CNKSR2: variants seen among roughly 807,000 people sequenced by gnomAD.
CNKSR2 encodes connector enhancer of kinase suppressor of Ras 2, also known as CNK homolog protein 2.
A neutral mutation model predicts 84.4 loss-of-function variants in CNKSR2; 14 were observed. The ratio of observed to expected loss-of-function variants is 0.17; its 90% CI spans 0.11 to 0.26. The LOEUF (loss-of-function observed/expected upper bound fraction) is 0.26. Among genes scored for constraint, CNKSR2 ranks in the 10% least tolerant of loss-of-function variants. CNKSR2 has a pLI of 1.00. For missense variants in CNKSR2, 485 were observed against 771.2 expected (o/e 0.63, Z 4.40); for synonymous variants, 275 against 277.9 (o/e 0.99, Z 0.10).
At chrX:21,597,497 T>A (rs190054975) in intron 17 of CNKSR2, among the ~76,000 whole-genome samples, 1 of 112,332 alleles carries the variant, frequency 8.9e-6, no homozygotes. Context: ...TACTGAATTT[T>A]ATTTTAATTT....
chrX:21,383,342 A>G (rs1342453378), intron 1 of CNKSR2, among the ~76,000 whole-genome samples: 6 of 112,894 alleles, frequency 5.3e-5, no homozygotes, highest in African/African-American at 1.9e-4. Context: ...CTATTTGCAT[A>G]AATGCATTGA....
At chrX:21,465,748 G>T (rs1601824594) in intron 4 of CNKSR2, among the ~76,000 whole-genome samples, 1 of 111,030 alleles carries the variant, frequency 9.0e-6, no homozygotes, top group Non-Finnish European at 1.9e-5. Flanking sequence ...CTGTTCTTAT[G>T]ATTATAATAT....
In CNKSR2 at chrX:21,648,830, G is replaced by A; in HGVS notation, c.2693-1G>A. ...TTTTTTTTTTTTTTTGGATGTTGCA[G>A]GTGAAAGCAGAGAAGAAAAGTTAGG... On this transcript the variant is annotated splice_acceptor_variant, in intron 20 of 21. Coordinates refer to ENST00000379510, the MANE Select transcript of CNKSR2 (RefSeq NM_014927.5). LOFTEE classifies it high-confidence loss of function. 1.2e-6 allele frequency: 1 copy of A among 866,723 alleles called. No individual in the cohort carries two copies. The highest frequency in any genetic ancestry group is 1.5e-6 in the Non-Finnish European group (1 of 660,104). 71.4% of individuals were successfully genotyped at this position (866,723 alleles called of 1,213,427 possible).
chrX:21,482,742 A>G (rs1403158120), intron 5 of CNKSR2, among the ~76,000 whole-genome samples: 2 of 111,875 alleles, frequency 1.8e-5, no homozygotes, highest in Non-Finnish European at 3.8e-5. Flanking sequence ...GTCCCAGGCT[A>G]TGAAATTCTT....
At chrX:21,511,803 C>T (rs1015254010) in intron 8 of CNKSR2, among the ~76,000 whole-genome samples, 1 of 111,500 alleles carries the variant, frequency 9.0e-6, no homozygotes, top group Admixed American at 9.6e-5. Context: ...CTGTCATCTA[C>T]GTGTACTGAA....
chrX:21,390,383 C>T (rs777000453), intron 1 of CNKSR2, among the ~76,000 whole-genome samples: 8 of 111,058 alleles, frequency 7.2e-5, no homozygotes, highest in Admixed American at 1.9e-4. Context: ...CTCACAGTTC[C>T]ACAGGCTGTA....
At chrX:21,604,037 G>T (rs917089292) in intron 18 of CNKSR2, among the ~76,000 whole-genome samples, 3 of 111,080 alleles carry the variant, frequency 2.7e-5, no homozygotes, top group Non-Finnish European at 5.7e-5. Context: ...TTTGCCATTA[G>T]AATAAAAATC....
At chrX:21,411,037 T>C (rs942072061) in intron 1 of CNKSR2, among the ~76,000 whole-genome samples, 2 of 109,959 alleles carry the variant, frequency 1.8e-5, no homozygotes, top group South Asian at 7.5e-4. Flanking sequence ...ACTAAACTTT[T>C]CTTTTGTGGA....
rs773692431 is a variant in CNKSR2 at position 21,652,346 on chromosome X, A to G, written c.2930A>G (p.Asp977Gly). The G allele has an allele frequency of 8.3e-7, 1 of 1,211,363 alleles. No individual in the cohort carries two copies. Among genetic ancestry groups the G allele is most frequent in the Admixed American group, 2.2e-5 (1 of 46,125 alleles). ...GTAGCCATTATCGATAAAGTCCTAG[A>G]CAATCCAGACTTGACATCTAAAGAA... ...GEVAIIDKVL[D>G]NPDLTSKEFQ... The change falls in exon 22 of 22, where the codon GAC becomes GGC. Residue 977 changes from aspartate to glycine, a missense_variant. Physicochemically the swap from Asp to Gly is moderately conservative, Grantham distance 94. Coordinates refer to ENST00000379510, the MANE Select transcript of CNKSR2 (RefSeq NM_014927.5).
At chrX:21,573,986 AT>A (rs1420443569) in intron 13 of CNKSR2, among the ~76,000 whole-genome samples, 2 of 110,930 alleles carry the variant, frequency 1.8e-5, no homozygotes, top group Admixed American at 9.6e-5. Context: ...GCTCTGAGAA[AT>A]TTTTTTCACC....
At chrX:21,585,817 A>G (rs1446118078) in intron 13 of CNKSR2, among the ~76,000 whole-genome samples, 2 of 111,623 alleles carry the variant, frequency 1.8e-5, no homozygotes, top group Non-Finnish European at 3.8e-5. Flanking sequence ...AGAAAGTGCT[A>G]GTGAAGGCAT....
intron 13 of CNKSR2, among the ~76,000 whole-genome samples, chrX:21,567,641 C>T (rs1191001973): frequency 9.0e-6 from 1 of 111,562 alleles, no homozygotes; most frequent in Admixed American, 9.5e-5. Flanking sequence ...TCCAATATGC[C>T]CATCAGCCAA....
At chrX:21,536,593 A>G (rs2091930031) in intron 11 of CNKSR2, among the ~76,000 whole-genome samples, 1 of 110,259 alleles carries the variant, frequency 9.1e-6, no homozygotes, top group African/African-American at 3.3e-5. Flanking sequence ...CCTTGATTCA[A>G]TCTTGATACA....
In CNKSR2 at chrX:21,473,932, G is replaced by A. The variant is rs2091231742; in HGVS notation, c.561+3125G>A. On this transcript the variant is annotated intron_variant, in intron 5 of 21. Coordinates refer to ENST00000379510, the MANE Select transcript of CNKSR2 (RefSeq NM_014927.5). ...CGGCTAATTTTTTTTGTATTTTTTA[G>A]TAGAGACGGGGTTTCACCGTGTTAG... 3.7e-5 allele frequency among the ~76,000 whole-genome samples: 4 copies of A among 107,139 alleles called. No homozygotes were observed. In the Admixed American group the frequency reaches 4.0e-4, roughly 11 times the overall value. 93.0% of individuals were successfully genotyped at this position (107,139 alleles called of 115,157 possible). A position where few individuals can be genotyped will look rare whatever the true frequency, so the allele number is the denominator to read the frequency against.
At chrX:21,630,698 T>TAC (rs201802047) in intron 20 of CNKSR2, among the ~76,000 whole-genome samples, 6,886 of 106,787 alleles carry the variant, frequency 0.064, 538 homozygotes, top group African/African-American at 0.22. Context: ...ATGTATATAA[T>TAC]ACACACACAC....
intron 4 of CNKSR2, among the ~76,000 whole-genome samples, chrX:21,445,049 G>C (rs758300887): frequency 9.0e-6 from 1 of 111,158 alleles, no homozygotes; most frequent in African/African-American, 3.3e-5. Flanking sequence ...TGAAAAGCCT[G>C]TCCAGAATGG....
intron 8 of CNKSR2, among the ~76,000 whole-genome samples, chrX:21,514,062 T>C (rs944967352): frequency 2.7e-5 from 3 of 111,895 alleles, no homozygotes; most frequent in African/African-American, 9.7e-5. Context: ...TTTCTATATT[T>C]ATGTACATTC....
chrX:21,473,292 C>T (rs907312238), intron 5 of CNKSR2, among the ~76,000 whole-genome samples: 1 of 111,875 alleles, frequency 8.9e-6, no homozygotes, highest in African/African-American at 3.2e-5. Context: ...CCCATCCTGA[C>T]GTTTTTATAC....
intron 6 of CNKSR2, chrX:21,492,498 C>T (rs2091452314): frequency 9.0e-6 from 1 of 111,397 alleles, no homozygotes. Context: ...CAATAAATAA[C>T]AGAGGCAGGG....
Sources: gnomAD v4.1 joint callset for allele counts (sites outside exome capture counted in the v4.1 genomes callset) on GRCh38, gnomAD v4.1.1 for gene constraint, MANE v1.5 for transcripts, NCBI Gene and HGNC (gene_info 2026-07-23, HGNC 2026-07-21) for gene names.